The following BEST3 variants were observed in gnomAD, a reference collection of about 807,000 sequenced individuals.
BEST3 encodes bestrophin-3.
A neutral mutation model predicts 47.1 loss-of-function variants in BEST3; 50 were observed. The observed-to-expected ratio is 1.06, with a 90% CI of 0.85 to 1.34. The LOEUF (loss-of-function observed/expected upper bound fraction) is 1.34, where lower values mean the gene tolerates loss of function less well. Ranked by LOEUF, BEST3 falls within the 40% of genes most tolerant of loss-of-function variation. BEST3 has a pLI of 0.00. For synonymous variants in BEST3, 282 were observed against 298.8 expected, an observed-to-expected ratio of 0.94 and a Z score of 0.58; for missense variants, 765 against 817.0, an observed-to-expected ratio of 0.94 and a Z score of 0.78.
At chr12:69,645,466 G>C (rs1252362886) in intron 9 of BEST3, among the ~76,000 whole-genome samples, 1 of 152,214 alleles carries the variant, frequency 6.6e-6, no homozygotes, top group Non-Finnish European at 1.5e-5. Context: ...GTTCCTCCAT[G>C]GACCTCAAAG....
In BEST3 at chr12:69,670,444, T is replaced by C. The variant is rs927056403; in HGVS notation, c.1100+984A>G. 4 of 702,674 alleles carry C rather than the reference T, an allele frequency of 5.7e-6. No individual in the cohort carries two copies. The Admixed American group carries it at 6.0e-5, about 11-fold the overall frequency. 43.5% of individuals were successfully genotyped at this position (702,674 alleles called of 1,614,324 possible). A position where few individuals can be genotyped will look rare whatever the true frequency, so the allele number is the denominator to read the frequency against. On this transcript the variant is annotated intron_variant, in intron 9 of 9. Transcript: ENST00000330891. Reference sequence around the variant, plus strand: ...TTTGCTGGAACTACTGAAATTCCACTTTCAGTCTTCCTTTTCTTTGGGTCT... The same window carrying C: ...TTTGCTGGAACTACTGAAATTCCACCTTCAGTCTTCCTTTTCTTTGGGTCT...
chr12:69,670,295 TG>T (rs1251329092), intron 9 of BEST3: 2 of 602,106 alleles, frequency 3.3e-6, no homozygotes, highest in Non-Finnish European at 5.9e-6. Flanking sequence ...CCTGGGTGGG[TG>T]GGTCTGGTCT....
intron 4 of BEST3, chr12:69,687,529 C>T (rs12311089): frequency 0.11 from 16,644 of 152,152 alleles, 2,944 homozygotes; most frequent in African/African-American, 0.37. Flanking sequence ...CCAGGCACAG[C>T]GGCGCACATC....
intron 9 of BEST3, chr12:69,659,972 G>A (rs1258844741): frequency 6.6e-6 from 1 of 152,090 alleles, no homozygotes; most frequent in East Asian, 1.9e-4. Flanking sequence ...AAAGTGTCAT[G>A]CGGCCATCAG....
Position 69,655,664 on chromosome 12 carries a change from G to A in BEST3, c.1250C>T (p.Thr417Ile), listed in dbSNP as rs1377615416. ...GGGTAAGAACATGGAGCTGTCACTT[G>A]TCTGCCTCCTGTAGCTTCTTCTTCT... Reference protein sequence around the residue: ...SPRRRSYRRQTSDSSMFLPRD... With the variant: ...SPRRRSYRRQISDSSMFLPRD... The change falls in exon 10 of 10, where the codon ACA becomes ATA. Residue 417 changes from threonine (T) to isoleucine (I), a missense_variant. Coordinates refer to ENST00000330891, the MANE Select transcript of BEST3 (RefSeq NM_032735.3). The A allele has an allele frequency of 6.2e-7, 1 of 1,614,056 alleles. No homozygotes were observed. The highest frequency in any genetic ancestry group is 8.5e-7 in the Non-Finnish European group (1 of 1,180,008).
chr12:69,670,496 C>G (rs763260629), intron 9 of BEST3: 1 of 702,898 alleles, frequency 1.4e-6, no homozygotes, highest in South Asian at 1.5e-5. Flanking sequence ...TCAGAGGCCC[C>G]TTTGGAAGAG....
chr12:69,658,024 G>A (rs1423948870), intron 9 of BEST3, among the ~76,000 whole-genome samples: 2 of 152,060 alleles, frequency 1.3e-5, no homozygotes, highest in African/African-American at 4.8e-5. Flanking sequence ...CACTCCACAG[G>A]CACCCATTTA....
chr12:69,694,091 T>C, intron 3 of BEST3, 184 bp from the exon 4 acceptor site: 1 of 596,198 alleles, frequency 1.7e-6, no homozygotes, highest in South Asian at 2.2e-5. Context: ...CTAAGCACCC[T>C]GTAAGTGGGT....
intron 4 of BEST3, among the ~76,000 whole-genome samples, chr12:69,692,433 C>A (rs1161638880): frequency 1.3e-5 from 2 of 152,202 alleles, no homozygotes; most frequent in Non-Finnish European, 2.9e-5. Flanking sequence ...GAGAATCATC[C>A]TTTAACTATC....
chr12:69,654,243 A>C lies in BEST3; in HGVS notation c.*664T>G. The C allele has an allele frequency of 1.0e-6, 1 of 985,196 alleles. No individual in the cohort carries two copies. Among genetic ancestry groups the C allele is most frequent in the Non-Finnish European group, 1.2e-6 (1 of 829,692 alleles). The allele number at this position is 985,196 out of a possible 1,614,324, so 61.0% of individuals were successfully genotyped here. A position where few individuals can be genotyped will look rare whatever the true frequency, so the allele number is the denominator to read the frequency against. On this transcript the variant is annotated 3_prime_UTR_variant, in exon 10 of 10. Transcript: ENST00000330891. ...TGGGACAGATTACTAGAAAAGCAGC[A>C]CAACCAGGGAGAAGGGAAGGGAAAA...
rs371263106 is a variant in BEST3 at position 69,694,438 on chromosome 12, C to T, written c.179G>A (p.Arg60His). The change falls in exon 3 of 10, where the codon CGT becomes CAT. Residue 60 changes from arginine (R) to histidine (H), a missense_variant. Physicochemically the swap from Arg to His is conservative, Grantham distance 29. Coordinates refer to ENST00000330891, the MANE Select transcript of BEST3 (RefSeq NM_032735.3). ...YRLLLTGVQK[R>H]YFEKLSIYCD... The stretch of plus-strand genomic sequence containing the variant: ...GTAAATTGATAATTTTTCAAAGTAA[C>T]GTTTTTGGACTCCTGTAAGTAACAA... The T allele has an allele frequency of 7.2e-5, 115 of 1,605,648 alleles. No homozygotes were observed. The highest frequency in any genetic ancestry group is 8.7e-5 in the Non-Finnish European group (102 of 1,175,502).
rs1427304817 is a variant in BEST3, at chr12:69,654,147, C to A, written c.*760G>T. ...ATTCTGTAGGAGGCTTTGCCAATGT[C>A]TTATATTTTGAAATTCATGGCAAGA... On this transcript the variant is annotated 3_prime_UTR_variant, in exon 10 of 10. Transcript: ENST00000330891. The A allele has an allele frequency of 1.0e-6, 1 of 984,918 alleles. No individual in the cohort carries two copies. The highest frequency in any genetic ancestry group is 1.1e-4 in the East Asian group (1 of 8,808). The allele number at this position is 984,918 out of a possible 1,614,324, so 61.0% of individuals were successfully genotyped here.
intron 2 of BEST3, among the ~76,000 whole-genome samples, chr12:69,696,052 A>G (rs556453915): frequency 6.6e-6 from 1 of 152,164 alleles, no homozygotes; most frequent in Non-Finnish European, 1.5e-5. Flanking sequence ...TACCTATAAT[A>G]GAGCTAATAA....
intron 4 of BEST3, among the ~76,000 whole-genome samples, chr12:69,690,110 G>C (rs938174477): frequency 2.0e-5 from 3 of 152,144 alleles, no homozygotes; most frequent in African/African-American, 7.2e-5. Flanking sequence ...ACTGACGTGG[G>C]TGGGACCCAG....
intron 2 of BEST3, among the ~76,000 whole-genome samples, chr12:69,694,726 A>T (rs572998535): frequency 2.1e-4 from 32 of 152,282 alleles, no homozygotes; most frequent in Non-Finnish European, 4.4e-4. Flanking sequence ...TTATATTTTA[A>T]AAGTTTTATA....
intron 4 of BEST3, among the ~76,000 whole-genome samples, chr12:69,688,830 T>C (rs1293128311): frequency 1.3e-5 from 2 of 152,234 alleles, no homozygotes; most frequent in Non-Finnish European, 2.9e-5. Flanking sequence ...CAGGAGTTTG[T>C]TCAACTCATT....
chr12:69,685,009 C>CTATTA (rs1885487872), intron 4 of BEST3, among the ~76,000 whole-genome samples: 2 of 151,330 alleles, frequency 1.3e-5, no homozygotes, highest in African/African-American at 2.4e-5. Context: ...CTATTCTATT[C>CTATTA]TATTCTATTC....
intron 7 of BEST3, 127 bp from the exon 8 acceptor site, chr12:69,673,092 G>A (rs565224557): frequency 1.5e-6 from 1 of 673,626 alleles, no homozygotes; most frequent in East Asian, 2.7e-5. Flanking sequence ...GTAGAGGGGA[G>A]TAGATTGTTC....
At chr12:69,672,539 T>C (rs1371767743) in intron 8 of BEST3, among the ~76,000 whole-genome samples, 1 of 152,238 alleles carries the variant, frequency 6.6e-6, no homozygotes, top group African/African-American at 2.4e-5. Context: ...GGATGCCATT[T>C]TAAGTCACTA....
Sources: gnomAD v4.1 joint callset for allele counts (sites outside exome capture counted in the v4.1 genomes callset) on GRCh38, gnomAD v4.1.1 for gene constraint, MANE v1.5 for transcripts, NCBI Gene and HGNC (gene_info 2026-07-23, HGNC 2026-07-21) for gene names.